The following CNTN4 variants were observed in gnomAD, a reference collection of about 807,000 sequenced individuals.
The protein encoded by CNTN4 is contactin 4, also known as contactin-4.
In CNTN4, 77 loss-of-function variants were observed where a neutral mutation model predicts 122.5. The ratio of observed to expected loss-of-function variants is 0.63; its 90% CI spans 0.52 to 0.76. The LOEUF (loss-of-function observed/expected upper bound fraction) is 0.76, where lower values mean the gene tolerates loss of function less well. CNTN4 is among the 30% of genes least tolerant of loss of function. CNTN4 has a pLI of 0.00. For missense variants in CNTN4, 1,256 were observed against 1,259.1 expected, an observed-to-expected ratio of 1.00 and a Z score of 0.04; for synonymous variants, 512 against 447.0, an observed-to-expected ratio of 1.15 and a Z score of -1.83.
At chr3:2,667,687 A>C (rs6794529) in intron 4 of CNTN4, among the ~76,000 whole-genome samples, 3 of 103,666 alleles carry the variant, frequency 2.9e-5, no homozygotes, top group African/African-American at 1.3e-4. Flanking sequence ...CCTGAATGGT[A>C]ATGCCTAGGT....
At chr3:2,229,410 T>G (rs185088786) in intron 2 of CNTN4, among the ~76,000 whole-genome samples, 22 of 152,238 alleles carry the variant, frequency 1.4e-4, no homozygotes, top group African/African-American at 4.6e-4. Flanking sequence ...TTAAATGAAA[T>G]CTGTTAGGTA....
intron 6 of CNTN4, among the ~76,000 whole-genome samples, chr3:2,778,197 G>T (rs1364389145): frequency 8.4e-6 from 1 of 119,252 alleles, no homozygotes; most frequent in Non-Finnish European, 1.8e-5. Flanking sequence ...CTGGGCGACA[G>T]AGCGAGACTC....
chr3:2,842,851 A>AT (rs1314408313), intron 7 of CNTN4, among the ~76,000 whole-genome samples: 11 of 148,476 alleles, frequency 7.4e-5, no homozygotes, highest in African/African-American at 1.7e-4. Flanking sequence ...TTTTTTTTCC[A>AT]TTTTTTTCTT....
chr3:2,922,743 G>A (rs1559671257), intron 12 of CNTN4, among the ~76,000 whole-genome samples: 1 of 150,848 alleles, frequency 6.6e-6, no homozygotes, highest in Non-Finnish European at 1.5e-5. Flanking sequence ...CTCCCCAGTA[G>A]TTGGATTACA....
intron 9 of CNTN4, among the ~76,000 whole-genome samples, 178 bp downstream of exon 9, chr3:2,883,425 T>C (rs1298495480): frequency 6.6e-6 from 1 of 152,140 alleles, no homozygotes; most frequent in African/African-American, 2.4e-5. Flanking sequence ...AGAGGACATG[T>C]AATGGTGCAA....
chr3:2,897,197 A>T (rs553123024), intron 10 of CNTN4, among the ~76,000 whole-genome samples: 1 of 152,308 alleles, frequency 6.6e-6, no homozygotes, highest in East Asian at 1.9e-4. Flanking sequence ...GTTATTGAAC[A>T]AAAGATTGAA....
intron 6 of CNTN4, among the ~76,000 whole-genome samples, chr3:2,809,362 G>C (rs1483496317): frequency 6.6e-6 from 1 of 152,160 alleles, no homozygotes; most frequent in South Asian, 2.1e-4. Context: ...CAAGGACATG[G>C]GTCCTGAGAC....
intron 8 of CNTN4, among the ~76,000 whole-genome samples, chr3:2,868,821 G>A (rs558530831): frequency 1.3e-5 from 2 of 152,206 alleles, no homozygotes; most frequent in South Asian, 4.2e-4. Flanking sequence ...AAACCAGTAT[G>A]ATAAAATAGC....
chr3:2,868,455 T>C (rs1559599823), intron 8 of CNTN4, among the ~76,000 whole-genome samples: 1 of 152,190 alleles, frequency 6.6e-6, no homozygotes, highest in African/African-American at 2.4e-5. Context: ...CTCAGATTTC[T>C]ATTCCCCAAG....
intron 3 of CNTN4, among the ~76,000 whole-genome samples, chr3:2,476,807 C>T (rs1309524590): frequency 1.3e-5 from 2 of 152,168 alleles, no homozygotes; most frequent in African/African-American, 4.8e-5. Context: ...TTTTTATACT[C>T]TGTAAAGTAT....
intron 4 of CNTN4, among the ~76,000 whole-genome samples, chr3:2,636,540 A>G (rs2082665178): frequency 6.6e-6 from 1 of 152,250 alleles, no homozygotes; most frequent in South Asian, 2.1e-4. Context: ...GAAAATAAAT[A>G]AAAGTCCTCC....
At chr3:2,257,100 A>G (rs1189529837) in intron 2 of CNTN4, among the ~76,000 whole-genome samples, 1 of 152,192 alleles carries the variant, frequency 6.6e-6, no homozygotes, top group Non-Finnish European at 1.5e-5. Context: ...TACATAGACC[A>G]ATGGAATAGA....
At chr3:2,489,778 T>A (rs554456154) in intron 3 of CNTN4, among the ~76,000 whole-genome samples, 2 of 152,194 alleles carry the variant, frequency 1.3e-5, no homozygotes, top group South Asian at 4.1e-4. Flanking sequence ...AATTTAGTCT[T>A]TTTCTTCTTC....
At chr3:2,744,563 A>G (rs1427659663) in intron 5 of CNTN4, among the ~76,000 whole-genome samples, 1 of 152,132 alleles carries the variant, frequency 6.6e-6, no homozygotes, top group Non-Finnish European at 1.5e-5. Flanking sequence ...CTACTATGCT[A>G]TTTTCGTTAG....
At chr3:2,827,526 A>G (rs1370659844) in intron 7 of CNTN4, among the ~76,000 whole-genome samples, 1 of 152,206 alleles carries the variant, frequency 6.6e-6, no homozygotes, top group East Asian at 1.9e-4. Flanking sequence ...TCATGTAACA[A>G]CTTTTATGTA....
intron 13 of CNTN4, among the ~76,000 whole-genome samples, chr3:2,950,320 C>T (rs891092740): frequency 1.3e-5 from 2 of 152,226 alleles, no homozygotes; most frequent in Admixed American, 6.5e-5. Context: ...TGCATCCTCC[C>T]AGAATGAGTC....
At chr3:2,965,867 A>T (rs1287143754) in intron 13 of CNTN4, among the ~76,000 whole-genome samples, 1 of 152,154 alleles carries the variant, frequency 6.6e-6, no homozygotes, top group Non-Finnish European at 1.5e-5. Flanking sequence ...TCCCTTAAGA[A>T]TCAGTTCATC....
chr3:2,597,596 C>A (rs1188839989), intron 4 of CNTN4, among the ~76,000 whole-genome samples: 2 of 152,136 alleles, frequency 1.3e-5, no homozygotes, highest in African/African-American at 4.8e-5. Context: ...AATTGAGAAT[C>A]ATCAGCCTGA....
intron 12 of CNTN4, among the ~76,000 whole-genome samples, chr3:2,908,367 T>C (rs111536855): frequency 0.019 from 2,936 of 152,270 alleles, 107 homozygotes; most frequent in African/African-American, 0.067. Flanking sequence ...CTTGAAATCA[T>C]TGGGTAAATA....
Sources: gnomAD v4.1 joint callset for allele counts (sites outside exome capture counted in the v4.1 genomes callset) on GRCh38, gnomAD v4.1.1 for gene constraint, MANE v1.5 for transcripts, NCBI Gene and HGNC (gene_info 2026-07-23, HGNC 2026-07-21) for gene names.